Variants in CHSY3 observed in about 807,000 individuals in gnomAD.
The protein encoded by CHSY3 is chondroitin sulfate synthase 3, also known as N-acetylgalactosaminyl-proteoglycan 3-beta-glucuronosyltransferase 3.
In CHSY3, 35 loss-of-function variants were observed where a neutral mutation model predicts 67.2. The ratio of observed to expected loss-of-function variants is 0.52; its 90% CI spans 0.40 to 0.69. The LOEUF (loss-of-function observed/expected upper bound fraction) is 0.69, where lower values mean the gene tolerates loss of function less well. Ranked by LOEUF, CHSY3 falls within the 30% of genes least tolerant of loss-of-function variation. The pLI, the probability that CHSY3 is intolerant of heterozygous loss-of-function variation, is 0.00. For synonymous variants in CHSY3, 474 were observed against 434.7 expected (o/e 1.09, Z -1.12); for missense variants, 1,069 against 1,138.5 (o/e 0.94, Z 0.88).
At chr5:130,125,564 A>C (rs1473938082) in intron 2 of CHSY3, among the ~76,000 whole-genome samples, 2 of 152,222 alleles carry the variant, frequency 1.3e-5, no homozygotes, top group Non-Finnish European at 2.9e-5. Flanking sequence ...GCTGAGCTAT[A>C]CATGATAAAA....
intron 2 of CHSY3, among the ~76,000 whole-genome samples, chr5:130,049,853 G>T (rs1443377764): frequency 6.6e-6 from 1 of 150,586 alleles, no homozygotes; most frequent in Non-Finnish European, 1.5e-5. Flanking sequence ...AGGCTCTTCT[G>T]CTTCATAAAG....
intron 2 of CHSY3, among the ~76,000 whole-genome samples, chr5:129,960,680 A>G (rs965116939): frequency 2.0e-5 from 3 of 152,070 alleles, no homozygotes; most frequent in African/African-American, 7.2e-5. Context: ...CTTTGTATCA[A>G]CATCTTTTTA....
intron 2 of CHSY3, among the ~76,000 whole-genome samples, chr5:130,143,137 G>T (rs1768920948): frequency 6.6e-6 from 1 of 152,112 alleles, no homozygotes. Flanking sequence ...TTTTTGTGTG[G>T]ATAAAAGCCT....
chr5:130,155,574 ATGATTAAC>A (rs1189342955), intron 2 of CHSY3, among the ~76,000 whole-genome samples: 8 of 152,300 alleles, frequency 5.3e-5, no homozygotes, highest in African/African-American at 1.4e-4. Flanking sequence ...ATCCTCTAAG[ATGATTAAC>A]TGTTTAAAAT....
intron 2 of CHSY3, chr5:130,001,577 A>G (rs1156468580): frequency 1.0e-5 from 9 of 866,756 alleles, no homozygotes; most frequent in East Asian, 2.4e-4. Context: ...CCTTTATTCC[A>G]AAAGAATAGT....
At chr5:129,948,066 A>G (rs1201127582) in intron 2 of CHSY3, among the ~76,000 whole-genome samples, 1 of 152,184 alleles carries the variant, frequency 6.6e-6, no homozygotes, top group Non-Finnish European at 1.5e-5. Context: ...GTTGCCTTTT[A>G]ATTTTCTTGA....
intron 2 of CHSY3, among the ~76,000 whole-genome samples, chr5:129,975,166 T>A (rs369450093): frequency 1.3e-3 from 191 of 152,228 alleles, no homozygotes; most frequent in African/African-American, 3.8e-3. Flanking sequence ...ACATGGCACA[T>A]GTATACATAC....
At chr5:130,147,671 C>T (rs1328009285) in intron 2 of CHSY3, among the ~76,000 whole-genome samples, 3 of 152,138 alleles carry the variant, frequency 2.0e-5, no homozygotes, top group Non-Finnish European at 2.9e-5. Context: ...GGCATCTGCT[C>T]AGCTTCTGAT....
intron 2 of CHSY3, among the ~76,000 whole-genome samples, chr5:130,158,241 TGG>T (rs752559170): frequency 6.6e-5 from 10 of 152,324 alleles, no homozygotes; most frequent in South Asian, 2.1e-4. Flanking sequence ...CTATTCAAGA[TGG>T]AGTCGCTCTG....
At chr5:129,980,642 A>G (rs910435950) in intron 2 of CHSY3, among the ~76,000 whole-genome samples, 11 of 152,140 alleles carry the variant, frequency 7.2e-5, no homozygotes, top group African/African-American at 2.4e-4. Flanking sequence ...CTTATCAATG[A>G]TCTCTTTTAT....
intron 2 of CHSY3, among the ~76,000 whole-genome samples, chr5:130,107,797 C>A (rs1767459098): frequency 6.6e-6 from 1 of 151,548 alleles, no homozygotes; most frequent in African/African-American, 2.4e-5. Flanking sequence ...GCCTGCAAAG[C>A]AAGCTCTATC....
intron 2 of CHSY3, among the ~76,000 whole-genome samples, chr5:129,960,197 C>T (rs576198733): frequency 3.3e-5 from 5 of 152,058 alleles, no homozygotes; most frequent in African/African-American, 9.6e-5. Context: ...CCCTGTTTGA[C>T]GTTGTCCACA....
intron 2 of CHSY3, among the ~76,000 whole-genome samples, chr5:130,011,084 C>T (rs1764045120): frequency 6.6e-6 from 1 of 152,130 alleles, no homozygotes; most frequent in Admixed American, 6.5e-5. Context: ...GAAACTATTC[C>T]ATTGACTTGA....
chr5:129,998,192 A>C (rs974102467), intron 2 of CHSY3, among the ~76,000 whole-genome samples: 5 of 152,140 alleles, frequency 3.3e-5, no homozygotes, highest in African/African-American at 1.2e-4. Context: ...TTTCACTTTT[A>C]TGCTAGCCTA....
chr5:130,082,665 G>A (rs1316724812), intron 2 of CHSY3, among the ~76,000 whole-genome samples: 1 of 151,882 alleles, frequency 6.6e-6, no homozygotes, highest in East Asian at 1.9e-4. Flanking sequence ...TATTCCCAAA[G>A]GTTATGTATG....
rs76903655 is a variant in CHSY3 at position 129,911,461 on chromosome 5, C to A, written c.1086+3101C>A. Among the ~76,000 whole-genome samples, 1,253 of 152,220 alleles carry A rather than the reference C, an allele frequency of 8.2e-3. 20 individuals carry two copies. Among genetic ancestry groups the A allele is most frequent in the African/African-American group, 0.028 (1,159 of 41,538 alleles). On this transcript the variant is annotated intron_variant, in intron 2 of 2. Transcript: ENST00000305031. ...AGATTTTAAGAGTGTTTATCTCATACATTTCAGGAAAGATTAGGTGAAATA... is the reference window on the plus strand; with the variant it reads ...AGATTTTAAGAGTGTTTATCTCATAAATTTCAGGAAAGATTAGGTGAAATA...
chr5:129,943,004 T>G (rs1761743943), intron 2 of CHSY3, among the ~76,000 whole-genome samples: 1 of 152,160 alleles, frequency 6.6e-6, no homozygotes, highest in African/African-American at 2.4e-5. Flanking sequence ...AGTTATATAT[T>G]TTTTTATCTT....
At chr5:130,052,936 T>C (rs565824303) in intron 2 of CHSY3, among the ~76,000 whole-genome samples, 1 of 152,196 alleles carries the variant, frequency 6.6e-6, no homozygotes, top group East Asian at 1.9e-4. Context: ...CTATAAACCA[T>C]GTTAAGTAAA....
At chr5:130,001,809 A>G in intron 2 of CHSY3, 2 of 817,436 alleles carry the variant, frequency 2.4e-6, no homozygotes, top group Non-Finnish European at 3.0e-6. Flanking sequence ...GATTATGGGA[A>G]TACAAATATC....
Sources: allele counts gnomAD v4.1 joint callset (sites outside exome capture counted in the v4.1 genomes callset), GRCh38; gene constraint gnomAD v4.1.1; transcripts MANE v1.5; gene names NCBI Gene and HGNC (gene_info 2026-07-23, HGNC 2026-07-21).